Variants in PCDHA4 observed in about 807,000 individuals in gnomAD.
PCDHA4 encodes protocadherin alpha 4.
A neutral mutation model predicts 61.4 loss-of-function variants in PCDHA4; 49 were observed. The ratio of observed to expected loss-of-function variants is 0.80; its 90% CI spans 0.63 to 1.01. The LOEUF (loss-of-function observed/expected upper bound fraction) is 1.01, where lower values mean the gene tolerates loss of function less well. Ranked by LOEUF, PCDHA4 falls within the 50% of genes least tolerant of loss-of-function variation. The probability of loss-of-function intolerance (pLI) is 0.00; values close to 1 mark genes in which losing one functional copy is unlikely to be tolerated. For synonymous variants in PCDHA4, 590 were observed against 550.3 expected, an observed-to-expected ratio of 1.07 and a Z score of -1.01; for missense variants, 1,254 against 1,235.8, an observed-to-expected ratio of 1.01 and a Z score of -0.22.
intron 3 of PCDHA4, among the ~76,000 whole-genome samples, chr5:140,984,861 C>T (rs1163314869): frequency 6.6e-6 from 1 of 151,870 alleles, no homozygotes; most frequent in Non-Finnish European, 1.5e-5. Flanking sequence ...ATAATAACAC[C>T]TATTTTATTG....
chr5:140,850,893 G>A, intron 1 of PCDHA4: 1 of 1,574,570 alleles, frequency 6.4e-7, no homozygotes, highest in Non-Finnish European at 8.7e-7. Flanking sequence ...TGGGAAGGTG[G>A]GTTTTTCTAG....
At chr5:140,830,010 C>G in intron 1 of PCDHA4, 6 of 1,613,914 alleles carry the variant, frequency 3.7e-6, no homozygotes, top group Non-Finnish European at 5.1e-6. Context: ...CTGGACGAAG[C>G]GGACTCTCCG....
intron 1 of PCDHA4, among the ~76,000 whole-genome samples, chr5:140,897,888 G>C (rs1554187649): frequency 6.6e-6 from 1 of 152,150 alleles, no homozygotes; most frequent in Non-Finnish European, 1.5e-5. Flanking sequence ...ATTCTAACTG[G>C]TGTGAGATGG....
At chr5:140,871,697 A>G (rs2053267729) in intron 1 of PCDHA4, 3 of 935,180 alleles carry the variant, frequency 3.2e-6, no homozygotes, top group Non-Finnish European at 3.1e-6. Flanking sequence ...GGCTTCTTTA[A>G]CCAATAAATG....
chr5:140,928,863 C>T (rs1554206433), intron 1 of PCDHA4: 8 of 1,614,172 alleles, frequency 5.0e-6, no homozygotes, highest in Middle Eastern at 1.7e-4. Context: ...TGCTGTTGAG[C>T]AACTCTGTCC....
intron 1 of PCDHA4, chr5:140,967,992 C>T: frequency 1.2e-6 from 2 of 1,614,250 alleles, no homozygotes; most frequent in Non-Finnish European, 1.7e-6. Flanking sequence ...GCCACACTGC[C>T]TTTCCGACTG....
chr5:140,951,548 G>A (rs1314618918), intron 1 of PCDHA4, among the ~76,000 whole-genome samples: 1 of 151,910 alleles, frequency 6.6e-6, no homozygotes, highest in African/African-American at 2.4e-5. Flanking sequence ...AGGGACGGGG[G>A]GAAGTGCTAC....
intron 1 of PCDHA4, among the ~76,000 whole-genome samples, chr5:140,936,452 T>C (rs1447343887): frequency 2.0e-5 from 3 of 152,216 alleles, no homozygotes; most frequent in African/African-American, 7.2e-5. Flanking sequence ...ACCACATCTG[T>C]TTAGTGGTTG....
intron 1 of PCDHA4, chr5:140,843,047 G>T (rs2150350980): frequency 1.9e-6 from 3 of 1,594,938 alleles, no homozygotes; most frequent in Non-Finnish European, 2.6e-6. Flanking sequence ...CACTGGTGGC[G>T]CAGCGAGCAA....
At chr5:140,823,193 T>A (rs2150123303) in intron 1 of PCDHA4, 20 of 1,613,836 alleles carry the variant, frequency 1.2e-5, no homozygotes, top group Non-Finnish European at 1.7e-5. Flanking sequence ...GGCTGCCACA[T>A]CTTCACGGTG....
intron 1 of PCDHA4, among the ~76,000 whole-genome samples, chr5:140,940,595 G>A (rs1233586288): frequency 2.0e-5 from 3 of 152,100 alleles, no homozygotes; most frequent in East Asian, 1.9e-4. Context: ...TTTCAGGCAT[G>A]AGCCGCTGCT....
At position 140,858,441 on chromosome 5, in the gene PCDHA4, G is replaced by C. The variant is rs782468673; in HGVS notation, c.2385+48869G>C. 13 of 1,537,092 alleles carry C rather than the reference G, an allele frequency of 8.5e-6. 2 individuals carry two copies. The South Asian group carries it at 1.2e-4, about 14-fold the overall frequency. ...GGAGGGGACCACTCTAGGAAGGTGG[G>C]TTATTACGTTTTCATTTTCCTTTTG... is the stretch of plus-strand genomic sequence containing the variant. On this transcript the variant is annotated intron_variant, in intron 1 of 3. Coordinates refer to ENST00000530339, the MANE Select transcript of PCDHA4 (RefSeq NM_018907.4).
In PCDHA4 at chr5:140,882,159, T is replaced by C. The variant is rs1017946710; in HGVS notation, c.2385+72587T>C. 76 of 1,509,284 alleles carry C rather than the reference T, an allele frequency of 5.0e-5. No individual in the cohort carries two copies. The African/African-American group carries it at 8.9e-4, about 18-fold the overall frequency. 93.5% of individuals were successfully genotyped at this position (1,509,284 alleles called of 1,614,324 possible). On this transcript the variant is annotated intron_variant, in intron 1 of 3. Transcript: ENST00000530339. ...AAAATATAGCAGAAAGCGGAATACC[T>C]CTTGCGAATCCTTCCGCACTAGGAA...
At chr5:140,944,846 G>A (rs269554) in intron 1 of PCDHA4, among the ~76,000 whole-genome samples, 33,882 of 151,952 alleles carry the variant, frequency 0.22, 4,860 homozygotes, top group African/African-American at 0.41. Context: ...TGAGATATTA[G>A]AATCATCCTT....
At chr5:140,859,820 A>T (rs571266771) in intron 1 of PCDHA4, 10 of 152,434 alleles carry the variant, frequency 6.6e-5, no homozygotes, top group African/African-American at 2.2e-4. Context: ...TGCAGAGTTT[A>T]GAAGTGTATT....
chr5:140,984,056 G>T (rs569184437), intron 3 of PCDHA4, among the ~76,000 whole-genome samples: 1 of 152,200 alleles, frequency 6.6e-6, no homozygotes, highest in Non-Finnish European at 1.5e-5. Context: ...TGACAAATCT[G>T]TACCCTCAGT....
chr5:140,877,173 G>A (rs1292615979), intron 1 of PCDHA4: 3 of 1,613,710 alleles, frequency 1.9e-6, no homozygotes, highest in Non-Finnish European at 2.5e-6. Flanking sequence ...CACTGCTGGC[G>A]ACTCCGGCTG....
At chr5:140,822,645 C>A in intron 1 of PCDHA4, 1 of 1,610,004 alleles carries the variant, frequency 6.2e-7, no homozygotes, top group Non-Finnish European at 8.5e-7. Flanking sequence ...ATGTAAAGTC[C>A]AAATTTATAA....
In PCDHA4 at chr5:140,808,600, C is replaced by T. The variant is rs150900012; in HGVS notation, c.1413C>T (p.Gly471=). Residue 471 remains glycine, a synonymous_variant, in exon 1 of 4, where the codon GGC becomes GGT. Transcript: ENST00000530339. ...TVFVKENNPP[G]CHIFTVSAWD... ...TCGTGAAGGAGAACAACCCGCCGGGCTGCCACATCTTCACTGTGTCTGCGT... is the reference window on the plus strand; with the variant it reads ...TCGTGAAGGAGAACAACCCGCCGGGTTGCCACATCTTCACTGTGTCTGCGT... The T allele has an allele frequency of 1.4e-4, 230 of 1,613,924 alleles. 1 individual carries two copies. The African/African-American group carries it at 2.6e-3, about 19-fold the overall frequency.
Sources: allele counts gnomAD v4.1 joint callset (sites outside exome capture counted in the v4.1 genomes callset), GRCh38; gene constraint gnomAD v4.1.1; transcripts MANE v1.5; gene names NCBI Gene and HGNC (gene_info 2026-07-23, HGNC 2026-07-21).